The following GLYR1 variants were observed in gnomAD, a reference collection of about 807,000 sequenced individuals.
GLYR1 encodes the protein glyoxylate reductase 1 homolog, also known as cytokine-like nuclear factor N-PAC.
GLYR1 carries 21 observed loss-of-function variants against 72.7 expected under a neutral mutation model. The observed-to-expected ratio is 0.29, with a 90% CI of 0.20 to 0.42. The LOEUF is 0.42. Ranked by LOEUF, GLYR1 falls within the 10% of genes least tolerant of loss-of-function variation. GLYR1 has a pLI of 1.00. For synonymous variants in GLYR1, 392 were observed against 270.2 expected (o/e 1.45, Z -4.42); for missense variants, 594 against 712.1 (o/e 0.83, Z 1.89).
At chr16:4,829,445 A>G (rs907907887) in intron 5 of GLYR1, among the ~76,000 whole-genome samples, 2 of 151,768 alleles carry the variant, frequency 1.3e-5, no homozygotes, top group African/African-American at 4.8e-5. Context: ...AGGTGGGACT[A>G]CAGGTGTGTA....
chr16:4,839,951 C>T (rs79502387), intron 3 of GLYR1: 11,148 of 152,262 alleles, frequency 0.073, 407 homozygotes, highest in Non-Finnish European at 0.086. Flanking sequence ...ACCCTATCCA[C>T]CTGGGCCAGG....
chr16:4,843,250 G>T (rs573750401), intron 3 of GLYR1, among the ~76,000 whole-genome samples: 33 of 152,236 alleles, frequency 2.2e-4, no homozygotes, highest in Admixed American at 2.0e-3. Flanking sequence ...TGCCTCCTGG[G>T]TTCAGGCAAT....
In GLYR1 at chr16:4,821,412, G is replaced by C. The variant is rs2084016114; in HGVS notation, c.774C>G (p.Ala258=). 1 of 1,613,588 alleles carries C rather than the reference G, an allele frequency of 6.2e-7. No individual in the cohort carries two copies. Among genetic ancestry groups the C allele is most frequent in the East Asian group, 2.2e-5 (1 of 44,882 alleles). ...CTGTGGGTGTGATGCTGCCATTCAC[G>C]GCTGTGCTGTCAGCTGCCTGGATGG... The part of the protein sequence containing the change: ...STSIQAADST[A]VNGSITPTDK... Residue 258 remains alanine, a synonymous_variant, in exon 9 of 16, where the codon GCC becomes GCG. Transcript: ENST00000321919.
In GLYR1 at chr16:4,804,784, C is replaced by G. The variant is rs150457072; in HGVS notation, c.*452G>C. On this transcript the variant is annotated 3_prime_UTR_variant, in exon 16 of 16. Coordinates refer to ENST00000321919, the MANE Select transcript of GLYR1 (RefSeq NM_032569.4). ...TGGGGGATGGGGACATGACTACAGC[C>G]TCTTCGCTCTGGGGGAAGCTGTGGG... is the stretch of plus-strand genomic sequence containing the variant. 186 of 199,136 alleles carry G rather than the reference C, an allele frequency of 9.3e-4. 1 individual carries two copies. Among genetic ancestry groups the G allele is most frequent in the Non-Finnish European group, 1.6e-3 (153 of 93,974 alleles). 12.3% of individuals were successfully genotyped at this position (199,136 alleles called of 1,614,324 possible). A position where few individuals can be genotyped will look rare whatever the true frequency, so the allele number is the denominator to read the frequency against.
chr16:4,825,644 T>C (rs973929983), intron 5 of GLYR1, among the ~76,000 whole-genome samples: 1 of 145,688 alleles, frequency 6.9e-6, no homozygotes, highest in African/African-American at 2.6e-5. Flanking sequence ...GAAACAGAAT[T>C]ATTATCATCT....
In GLYR1 at chr16:4,817,698, C is replaced by T; in HGVS notation, c.807-1G>A. On this transcript the variant is annotated splice_acceptor_variant, in intron 9 of 15. Transcript: ENST00000321919. LOFTEE classifies it high-confidence loss of function. ...GAGACCAAGGCCCAAAAATCCTATC[C>T]TGAAACAGAGAGAGACTGATGAGTT... The T allele has an allele frequency of 6.3e-7, 1 of 1,595,580 alleles. No individual in the cohort carries two copies. Among genetic ancestry groups the T allele is most frequent in the Non-Finnish European group, 8.6e-7 (1 of 1,163,192 alleles).
At chr16:4,809,108 G>C (rs1448917031) in intron 15 of GLYR1, among the ~76,000 whole-genome samples, 1 of 150,150 alleles carries the variant, frequency 6.7e-6, no homozygotes, top group Admixed American at 6.7e-5. Context: ...CCATAATTTA[G>C]ACATAAATAA....
At chr16:4,811,355 G>C (rs888699539) in intron 14 of GLYR1, 61 bp from the exon 15 acceptor site, 5 of 1,599,484 alleles carry the variant, frequency 3.1e-6, no homozygotes, top group Admixed American at 1.7e-5. Flanking sequence ...AACTACTTAC[G>C]GTCCACCAGG....
intron 5 of GLYR1, among the ~76,000 whole-genome samples, chr16:4,826,684 G>A (rs868631835): frequency 6.6e-6 from 1 of 152,240 alleles, no homozygotes; most frequent in Non-Finnish European, 1.5e-5. Flanking sequence ...AATGATGGGC[G>A]TGTACTCCAT....
chr16:4,815,320 G>A (rs1486745085), intron 10 of GLYR1, among the ~76,000 whole-genome samples: 1 of 151,640 alleles, frequency 6.6e-6, no homozygotes, highest in Non-Finnish European at 1.5e-5. Flanking sequence ...CAGGCTGGAT[G>A]GGCCTACTAT....
At chr16:4,838,457 A>G (rs745575361) in intron 3 of GLYR1, among the ~76,000 whole-genome samples, 8 of 152,198 alleles carry the variant, frequency 5.3e-5, no homozygotes, top group Non-Finnish European at 1.0e-4. Context: ...ACTCGCAGGT[A>G]GGCACTTGCA....
At position 4,837,698 on chromosome 16, in the gene GLYR1, C is replaced by T. The variant is rs559410507; in HGVS notation, c.156-4786G>A. On this transcript the variant is annotated intron_variant, in intron 3 of 15. Coordinates refer to ENST00000321919, the MANE Select transcript of GLYR1 (RefSeq NM_032569.4). The stretch of plus-strand genomic sequence containing the variant: ...GGCACGGTAGCTCACGCCTATAATC[C>T]TAGCACTTTGGGAGGCCGAGGTCAA... Among the ~76,000 whole-genome samples, 152 of 152,038 alleles carry T rather than the reference C, an allele frequency of 1.0e-3. 2 individuals are homozygous for T. The South Asian group carries it at 0.03, about 30-fold the overall frequency.
chr16:4,815,104 C>T (rs1457671949), intron 10 of GLYR1, among the ~76,000 whole-genome samples: 1 of 151,590 alleles, frequency 6.6e-6, no homozygotes, highest in African/African-American at 2.4e-5. Flanking sequence ...AAAACACTAC[C>T]ATTTTGGCTT....
Position 4,811,699 on chromosome 16 carries a change from G to A in GLYR1, c.1386C>T (p.Gly462=). The change falls in exon 14 of 16, where the codon GGC becomes GGT. Residue 462 remains glycine, a synonymous_variant. Transcript: ENST00000321919. ...TGTCCAAGAGTGTCTGCTGGGACTG[G>A]CCTGTCACCTGGGCCAGGGTCAGCC... ...AEGLTLAQVT[G]QSQQTLLDIL... The A allele has an allele frequency of 6.2e-7, 1 of 1,614,184 alleles. No individual in the cohort carries two copies. Among genetic ancestry groups the A allele is most frequent in the Non-Finnish European group, 8.5e-7 (1 of 1,180,024 alleles).
intron 4 of GLYR1, 152 bp from the exon 5 acceptor site, chr16:4,832,373 G>C: frequency 1.1e-6 from 1 of 903,718 alleles, no homozygotes; most frequent in Non-Finnish European, 1.6e-6. Flanking sequence ...CCCAGACATT[G>C]GGAGAAGCAG....
In GLYR1 at chr16:4,819,102, T is replaced by A. The variant is rs992210008; in HGVS notation, c.807-1405A>T. On this transcript the variant is annotated intron_variant, in intron 9 of 15. Coordinates refer to ENST00000321919, the MANE Select transcript of GLYR1 (RefSeq NM_032569.4). ...CTTCACCTCTCTTTGCAAGTGACAA[T>A]GGTGCAAAAGAATGCCTTTCCTCAT... Among the ~76,000 whole-genome samples, 4 of 152,252 alleles carry A rather than the reference T, an allele frequency of 2.6e-5. No homozygotes were observed. In the East Asian group the frequency reaches 7.7e-4, roughly 29 times the overall value.
At chr16:4,812,562 G>C (rs1005417484) in intron 12 of GLYR1, among the ~76,000 whole-genome samples, 2 of 149,908 alleles carry the variant, frequency 1.3e-5, no homozygotes, top group African/African-American at 2.5e-5. Flanking sequence ...GAGCGATCTC[G>C]GATCACTGCA....
chr16:4,841,001 C>T (rs1022802067), intron 3 of GLYR1, among the ~76,000 whole-genome samples: 1 of 152,184 alleles, frequency 6.6e-6, no homozygotes, highest in Non-Finnish European at 1.5e-5. Flanking sequence ...AAAAAGATAA[C>T]ACATTAGTAC....
intron 6 of GLYR1, 44 bp downstream of exon 6, chr16:4,823,777 C>T (rs371853493): frequency 1.1e-5 from 17 of 1,479,364 alleles, no homozygotes; most frequent in East Asian, 9.1e-5. Context: ...ACAGGAACCT[C>T]GCCCTAAGCC....
Sources: gnomAD v4.1 joint callset for allele counts (sites outside exome capture counted in the v4.1 genomes callset) on GRCh38, gnomAD v4.1.1 for gene constraint, MANE v1.5 for transcripts, NCBI Gene and HGNC (gene_info 2026-07-23, HGNC 2026-07-21) for gene names.